Variants in SLC23A2 observed in about 807,000 individuals in gnomAD.
The protein encoded by SLC23A2 is Na(+)/L-ascorbic acid transporter 2.
Under a neutral mutation model 73.3 loss-of-function variants are expected in SLC23A2, and 36 were observed. The observed-to-expected ratio is 0.49, with a 90% CI of 0.38 to 0.65. The LOEUF (loss-of-function observed/expected upper bound fraction) is 0.65. SLC23A2 is among the 30% of genes least tolerant of loss of function. The pLI, the probability that SLC23A2 is intolerant of heterozygous loss-of-function variation, is 0.00. For synonymous variants in SLC23A2, 343 were observed against 327.3 expected (o/e 1.05, Z -0.52); for missense variants, 507 against 841.6 (o/e 0.60, Z 4.92).
chr20:4,943,547 C>T (rs1222605211), intron 2 of SLC23A2, among the ~76,000 whole-genome samples: 10 of 151,472 alleles, frequency 6.6e-5, no homozygotes, highest in South Asian at 2.1e-4. Context: ...TGGTGGTATC[C>T]GCCTGTAGTC....
chr20:4,974,726 A>G (rs1028603783), intron 1 of SLC23A2, among the ~76,000 whole-genome samples: 1 of 152,206 alleles, frequency 6.6e-6, no homozygotes, highest in African/African-American at 2.4e-5. Context: ...AAAGAGGCAC[A>G]TGTATGCACT....
intron 4 of SLC23A2, among the ~76,000 whole-genome samples, chr20:4,904,635 G>A (rs543822300): frequency 3.9e-5 from 6 of 152,308 alleles, no homozygotes; most frequent in Admixed American, 6.5e-5. Context: ...CAACAGCACC[G>A]CGTCAGCTAC....
chr20:4,952,196 AG>A (rs1176884129), intron 2 of SLC23A2, among the ~76,000 whole-genome samples: 7 of 152,036 alleles, frequency 4.6e-5, no homozygotes. Context: ...TCTGAGATTA[AG>A]AAAAATCTGA....
chr20:4,930,711 C>T (rs138782359), intron 3 of SLC23A2, among the ~76,000 whole-genome samples: 29,928 of 151,936 alleles, frequency 0.2, 4,510 homozygotes, highest in African/African-American at 0.42. Flanking sequence ...CCCAGCTACT[C>T]GGGAGGCTGA....
Position 4,857,017 on chromosome 20 carries a change from G to A in SLC23A2, c.1908C>T (p.Ser636=), listed in dbSNP as rs200105638. 58 of 1,613,982 alleles carry A rather than the reference G, an allele frequency of 3.6e-5. No homozygotes were observed. In the African/African-American group the frequency reaches 3.6e-4, roughly 10 times the overall value. Residue 636 remains serine (S), a synonymous_variant, in exon 17 of 17, where the codon AGC becomes AGT. Coordinates refer to ENST00000338244, the MANE Select transcript of SLC23A2 (RefSeq NM_005116.6). The surrounding 1 kb of genome is among the most constrained non-coding windows in gnomAD (Gnocchi z 4.0). Reference sequence around the variant, plus strand: ...CTTCATCTGAACTCCGGCTGTTGTCGCTCTTCCTGAGGCCTTTCCATGTGT... The same window carrying A: ...CTTCATCTGAACTCCGGCTGTTGTCACTCTTCCTGAGGCCTTTCCATGTGT... ...VGYTWKGLRK[S]DNSRSSDEDS...
intron 2 of SLC23A2, among the ~76,000 whole-genome samples, chr20:4,936,563 C>G (rs1192843856): frequency 1.3e-5 from 2 of 152,186 alleles, no homozygotes. Context: ...GCTGGGACTA[C>G]AGGTGCAAGT....
At chr20:4,938,194 GTTTTT>G (rs1250278834) in intron 2 of SLC23A2, among the ~76,000 whole-genome samples, 4 of 151,630 alleles carry the variant, frequency 2.6e-5, no homozygotes, top group Non-Finnish European at 5.9e-5. Context: ...CACCTGGCTA[GTTTTT>G]GTAGAGATGA....
chr20:4,961,282 C>A (rs181151561), intron 2 of SLC23A2, among the ~76,000 whole-genome samples: 1 of 151,950 alleles, frequency 6.6e-6, no homozygotes, highest in African/African-American at 2.4e-5. Context: ...GGGGTTTCAC[C>A]TTGTTAGCCA....
At chr20:4,896,426 A>G (rs954464259) in intron 6 of SLC23A2, among the ~76,000 whole-genome samples, 1 of 151,508 alleles carries the variant, frequency 6.6e-6, no homozygotes, top group East Asian at 1.9e-4. Flanking sequence ...TCACAGCAAA[A>G]GCCCCCCTCA....
chr20:4,949,287 CAAAAAAAA>C (rs570455717), intron 2 of SLC23A2, among the ~76,000 whole-genome samples: 2 of 57,952 alleles, frequency 3.5e-5, no homozygotes, highest in Non-Finnish European at 7.0e-5. Context: ...GACTCCATCT[CAAAAAAAA>C]AAAAAAAAAA....
chr20:4,899,743 C>T lies in SLC23A2; in HGVS notation c.325-31G>A, dbSNP rs1931677780. ...GGCAGGAAAAGGGTCAGAGGAGAAA[C>T]AGTAAACCCTTCCTCATTTATTCTT... On this transcript the variant is annotated intron_variant, in intron 5 of 16. Transcript: ENST00000338244. The surrounding 1 kb of genome is among the most constrained non-coding windows in gnomAD (Gnocchi z 4.9). 1 of 1,602,806 alleles carries T rather than the reference C, an allele frequency of 6.2e-7. No homozygotes were observed. Among genetic ancestry groups the T allele is most frequent in the Admixed American group, 1.7e-5 (1 of 59,434 alleles).
intron 1 of SLC23A2, among the ~76,000 whole-genome samples, chr20:4,977,927 C>T (rs2087669509): frequency 6.6e-6 from 1 of 151,950 alleles, no homozygotes; most frequent in Non-Finnish European, 1.5e-5. Flanking sequence ...CTAAGTTGTA[C>T]TTATCATGAA....
At chr20:4,919,131 C>T (rs543476415) in intron 3 of SLC23A2, among the ~76,000 whole-genome samples, 6 of 152,162 alleles carry the variant, frequency 3.9e-5, no homozygotes, top group Admixed American at 1.3e-4. Context: ...GAGTACAGTA[C>T]AACATATTCT....
rs1047039831 is a variant in SLC23A2, at chr20:4,947,279, G to A, written c.-154-14563C>T. On this transcript the variant is annotated intron_variant, in intron 2 of 16. Transcript: ENST00000338244. This position sits in a 1 kb window ranked among gnomAD's most constrained non-coding sequence, Gnocchi z 4.4. ...TTCAGGGAAATCTTGTGGCTGGGAC[G>A]TGAAAGGGGAAAGGGAGGGGCAGTA... 1.3e-5 allele frequency among the ~76,000 whole-genome samples: 2 copies of A among 152,210 alleles called. No individual in the cohort carries two copies. Among genetic ancestry groups the A allele is most frequent in the Non-Finnish European group, 2.9e-5 (2 of 68,040 alleles).
intron 1 of SLC23A2, among the ~76,000 whole-genome samples, chr20:4,979,699 A>G (rs2087697402): frequency 6.6e-6 from 1 of 152,202 alleles, no homozygotes; most frequent in African/African-American, 2.4e-5. Flanking sequence ...AGAAATCTAT[A>G]AAATACTTTA....
chr20:4,919,953 A>G (rs1280065504), intron 3 of SLC23A2, among the ~76,000 whole-genome samples: 1 of 152,232 alleles, frequency 6.6e-6, no homozygotes, highest in Non-Finnish European at 1.5e-5. Flanking sequence ...ACTCATAAGA[A>G]GATATACATT....
At chr20:4,946,919 C>T (rs2087127218) in intron 2 of SLC23A2, among the ~76,000 whole-genome samples, 1 of 152,206 alleles carries the variant, frequency 6.6e-6, no homozygotes, top group South Asian at 2.1e-4. Flanking sequence ...ACAGATGCTA[C>T]AGCGCCTACT....
At chr20:4,979,942 C>T (rs998345138) in intron 1 of SLC23A2, among the ~76,000 whole-genome samples, 1 of 151,716 alleles carries the variant, frequency 6.6e-6, no homozygotes, top group Admixed American at 6.6e-5. Context: ...TTATAAATCA[C>T]CAGGAAAGAG....
At chr20:4,912,820 G>A (rs951298405) in intron 4 of SLC23A2, 60 bp downstream of exon 4, 7 of 1,068,016 alleles carry the variant, frequency 6.6e-6, no homozygotes, top group Non-Finnish European at 8.8e-6. Context: ...CAGATCCGGG[G>A]CAGCACTTGT....
Sources: gnomAD v4.1 joint callset for allele counts (sites outside exome capture counted in the v4.1 genomes callset) on GRCh38, gnomAD v4.1.1 for gene constraint, Gnocchi (gnomAD v3.1) non-coding constraint, MANE v1.5 for transcripts, NCBI Gene and HGNC (gene_info 2026-07-23, HGNC 2026-07-21) for gene names.